BMPR1B: variants seen among roughly 807,000 people sequenced by gnomAD.
BMPR1B encodes bone morphogenetic protein receptor type 1B.
A neutral mutation model predicts 59.1 loss-of-function variants in BMPR1B; 12 were observed. The ratio of observed to expected loss-of-function variants is 0.20; its 90% CI spans 0.13 to 0.33. BMPR1B has a LOEUF of 0.33. Among genes scored for constraint, BMPR1B ranks in the 10% least tolerant of loss-of-function variants. The pLI is 1.00. For missense variants in BMPR1B, 550 were observed against 610.9 expected, an observed-to-expected ratio of 0.90 and a Z score of 1.05; for synonymous variants, 237 against 207.3, an observed-to-expected ratio of 1.14 and a Z score of -1.23.
At chr4:94,784,673 A>T (rs1004897784) in intron 1 of BMPR1B, among the ~76,000 whole-genome samples, 1 of 152,112 alleles carries the variant, frequency 6.6e-6, no homozygotes, top group Non-Finnish European at 1.5e-5. Context: ...GTTAACATAC[A>T]TTGGCATAAA....
chr4:94,839,662 G>A (rs1172800957), intron 1 of BMPR1B, among the ~76,000 whole-genome samples: 14 of 144,508 alleles, frequency 9.7e-5, no homozygotes, highest in African/African-American at 2.1e-4. Flanking sequence ...GTCTCTGCAC[G>A]TGAGATGGGT....
intron 3 of BMPR1B, among the ~76,000 whole-genome samples, chr4:95,052,170 T>C (rs1726554011): frequency 6.6e-6 from 1 of 152,206 alleles, no homozygotes; most frequent in Non-Finnish European, 1.5e-5. Context: ...GCTAGTTTTC[T>C]TTGAAGTTCA....
At chr4:94,870,381 CAA>C (rs35248282) in intron 1 of BMPR1B, among the ~76,000 whole-genome samples, 29,319 of 143,830 alleles carry the variant, frequency 0.2, 3,058 homozygotes, top group African/African-American at 0.3. Flanking sequence ...TACTTCCTGC[CAA>C]GAGAGAGAGA....
chr4:94,771,152 C>G (rs1722172327), intron 1 of BMPR1B, among the ~76,000 whole-genome samples: 1 of 152,066 alleles, frequency 6.6e-6, no homozygotes, highest in African/African-American at 2.4e-5. Flanking sequence ...CATACAAACC[C>G]CGAGAGGCTA....
rs191698400 is a variant in BMPR1B, at chr4:95,028,834, A to G, written c.-18+32700A>G. On this transcript the variant is annotated intron_variant, in intron 3 of 12. Transcript: ENST00000515059. ...TAAAGTTGATTAAACAGAATTAAAT[A>G]ATAGTTAAAAATATTAATATAAAGT... Among the ~76,000 whole-genome samples the G allele has an allele frequency of 2.7e-3, 417 of 152,132 alleles. 3 individuals are homozygous for G. Among genetic ancestry groups the G allele is most frequent in the Middle Eastern group, 0.014 (4 of 294 alleles).
At position 95,095,392 on chromosome 4, in the gene BMPR1B, A is replaced by C. The variant is rs189851939; in HGVS notation, c.-17-9016A>C. ...GCATTGATTTGCATTATTTGTTATC[A>C]TAACGGTACAAATAGCTGTAGGATG... On this transcript the variant is annotated intron_variant, in intron 3 of 12. Transcript: ENST00000515059. Among the ~76,000 whole-genome samples the C allele has an allele frequency of 2.0e-5, 3 of 152,280 alleles. No individual in the cohort carries two copies. The East Asian group carries it at 5.8e-4, about 29-fold the overall frequency.
intron 3 of BMPR1B, among the ~76,000 whole-genome samples, chr4:95,039,791 A>G (rs1725522726): frequency 6.6e-6 from 1 of 152,114 alleles, no homozygotes; most frequent in South Asian, 2.1e-4. Flanking sequence ...TCATCAGTGT[A>G]GTGTGTAGTG....
At chr4:95,099,173 C>T (rs1416723743) in intron 3 of BMPR1B, among the ~76,000 whole-genome samples, 2 of 152,140 alleles carry the variant, frequency 1.3e-5, no homozygotes, top group Non-Finnish European at 2.9e-5. Flanking sequence ...ACTACCAAGC[C>T]GTAGTCATTG....
rs139075926 is a variant in BMPR1B at position 94,797,678 on chromosome 4, G to A, written c.-183+39610G>A. ...GGCTCCCCTGATGGGTGGAATTTGC[G>A]TGTGTGTTTATGATTGTGAAAACAC... On this transcript the variant is annotated intron_variant, in intron 1 of 12. Transcript: ENST00000515059. Among the ~76,000 whole-genome samples, 827 of 152,302 alleles carry A rather than the reference G, an allele frequency of 5.4e-3. 5 individuals carry two copies. The highest frequency in any genetic ancestry group is 0.019 in the African/African-American group (774 of 41,564).
At chr4:94,836,898 C>T (rs953147143) in intron 1 of BMPR1B, among the ~76,000 whole-genome samples, 3 of 149,932 alleles carry the variant, frequency 2.0e-5, no homozygotes, top group South Asian at 2.1e-4. Context: ...TTAGGTCTGA[C>T]GTTTAAATCT....
At chr4:94,963,230 T>TC (rs1008289493) in intron 2 of BMPR1B, among the ~76,000 whole-genome samples, 1 of 152,168 alleles carries the variant, frequency 6.6e-6, no homozygotes, top group Non-Finnish European at 1.5e-5. Context: ...ATTCCTTGTA[T>TC]CTTCTGGTTA....
chr4:95,067,782 A>T (rs926585847), intron 3 of BMPR1B, among the ~76,000 whole-genome samples: 10 of 152,314 alleles, frequency 6.6e-5, no homozygotes, highest in Admixed American at 2.0e-4. Flanking sequence ...TTAAATGTTT[A>T]GTGTCTTCAA....
rs1732708562 is a variant in BMPR1B, at chr4:95,123,836, A to G, written c.376A>G (p.Arg126Gly). The G allele has an allele frequency of 6.2e-7, 1 of 1,611,656 alleles. No individual in the cohort carries two copies. Among genetic ancestry groups the G allele is most frequent in the Non-Finnish European group, 8.5e-7 (1 of 1,178,814 alleles). Residue 126 changes from arginine to glycine, a missense_variant, in exon 7 of 13, where the codon AGG (arginine) becomes GGG (glycine). By Grantham distance (125) the Arg-to-Gly change is moderately radical (BLOSUM62 -2). Transcript: ENST00000515059. ...RDFVDGPIHH[R>G]ALLISVTVCS... ...TTTTGTTGATGGACCTATACACCAC[A>G]GGGCTTTACTTATATCTGTGACTGT...
intron 2 of BMPR1B, among the ~76,000 whole-genome samples, chr4:94,902,088 G>GTGT (rs201783533): frequency 0.017 from 2,090 of 119,786 alleles, 32 homozygotes; most frequent in African/African-American, 0.024. Context: ...TGTGTGTGTG[G>GTGT]GGTGTATTTA....
intron 3 of BMPR1B, among the ~76,000 whole-genome samples, chr4:95,022,735 T>C (rs930389527): frequency 2.0e-5 from 3 of 152,148 alleles, no homozygotes; most frequent in African/African-American, 7.2e-5. Flanking sequence ...TATGAGCTTA[T>C]AAAAAGACTA....
intron 4 of BMPR1B, among the ~76,000 whole-genome samples, chr4:95,106,051 T>G (rs944331614): frequency 1.3e-5 from 2 of 151,990 alleles, no homozygotes; most frequent in Non-Finnish European, 2.9e-5. Context: ...ATAGAAAGTG[T>G]TCAGTCAGGG....
At chr4:94,830,046 G>T (rs1156904841) in intron 1 of BMPR1B, among the ~76,000 whole-genome samples, 1 of 152,150 alleles carries the variant, frequency 6.6e-6, no homozygotes, top group East Asian at 1.9e-4. Flanking sequence ...GTAAGTATAT[G>T]ACATGGAGTT....
intron 10 of BMPR1B, 30 bp from the exon 11 acceptor site, chr4:95,148,718 C>T: frequency 6.2e-7 from 1 of 1,605,992 alleles, no homozygotes; most frequent in Non-Finnish European, 8.5e-7. Flanking sequence ...CTCTTCAATG[C>T]TGTAATGCTT....
rs1732821783 is a variant in BMPR1B, at chr4:95,125,215, A to G, written c.585+94A>G. 9 of 1,500,394 alleles carry G rather than the reference A, an allele frequency of 6.0e-6. No individual in the cohort carries two copies. The East Asian group carries it at 2.1e-4, about 35-fold the overall frequency. The allele number at this position is 1,500,394 out of a possible 1,614,324, so 92.9% of individuals were successfully genotyped here. ...TTCACTTACTGAAATAGGGCACTGG[A>G]CAAGGAGAAAGCTCTATGCAGTCTG... On this transcript the variant is annotated intron_variant, in intron 8 of 12. Coordinates refer to ENST00000515059, the MANE Select transcript of BMPR1B (RefSeq NM_001203.3).
Sources: gnomAD v4.1 joint callset for allele counts (sites outside exome capture counted in the v4.1 genomes callset) on GRCh38, gnomAD v4.1.1 for gene constraint, MANE v1.5 for transcripts, NCBI Gene and HGNC (gene_info 2026-07-23, HGNC 2026-07-21) for gene names.